PPP2R3B: variants seen among roughly 807,000 people sequenced by gnomAD.
PPP2R3B encodes the protein serine/threonine-protein phosphatase 2A regulatory subunit B'' subunit beta.
PPP2R3B carries 68 observed loss-of-function variants against 72.9 expected under a neutral mutation model. That is an observed-to-expected ratio of 0.93 (90% CI 0.77 to 1.14). PPP2R3B has a LOEUF of 1.14. Ranked by LOEUF, PPP2R3B falls within the 50% of genes most tolerant of loss-of-function variation. The probability of loss-of-function intolerance (pLI) is 0.00; values close to 1 mark genes in which losing one functional copy is unlikely to be tolerated. For synonymous variants in PPP2R3B, 466 were observed against 375.8 expected, an observed-to-expected ratio of 1.24 and a Z score of -2.78; for missense variants, 1,018 against 842.0, an observed-to-expected ratio of 1.21 and a Z score of -2.59.
chrX:345,487 G>A (rs371507794), intron 7 of PPP2R3B, 29 bp downstream of exon 7: 188 of 1,611,380 alleles, frequency 1.2e-4, no homozygotes, highest in Middle Eastern at 3.4e-4. Context: ...GTGTCCGCGC[G>A]GCCCGCCCGC....
chrX:376,198 GA>G (rs59781955), intron 1 of PPP2R3B, among the ~76,000 whole-genome samples: 4,163 of 115,572 alleles, frequency 0.036, 134 homozygotes, highest in African/African-American at 0.11. Context: ...TCTCAAAAAG[GA>G]AAAAAAAAAA....
chrX:341,723 G>A (rs2071082560), intron 8 of PPP2R3B, 160 bp downstream of exon 8: 1 of 817,018 alleles, frequency 1.2e-6, no homozygotes, highest in Admixed American at 2.0e-5. Flanking sequence ...CCCCCCACTA[G>A]GGATTCACGT....
chrX:344,655 G>A (rs1196856231), intron 7 of PPP2R3B, among the ~76,000 whole-genome samples: 1 of 152,258 alleles, frequency 6.6e-6, no homozygotes, highest in Non-Finnish European at 1.5e-5. Flanking sequence ...ACACGGGCCG[G>A]CGCTGTGGAG....
intron 2 of PPP2R3B, among the ~76,000 whole-genome samples, chrX:351,593 C>T (rs1195673402): frequency 7.0e-6 from 1 of 143,490 alleles, no homozygotes; most frequent in African/African-American, 2.6e-5. Flanking sequence ...GGCTGGAGTG[C>T]AGTGTGTGAT....
chrX:349,271 G>A (rs758339456), intron 2 of PPP2R3B, among the ~76,000 whole-genome samples: 14 of 152,154 alleles, frequency 9.2e-5, no homozygotes, highest in African/African-American at 3.4e-4. Context: ...GGAAGGCGCC[G>A]TCGATGAACC....
intron 1 of PPP2R3B, among the ~76,000 whole-genome samples, chrX:370,401 T>G (rs887498536): frequency 2.0e-5 from 3 of 152,112 alleles, no homozygotes; most frequent in Non-Finnish European, 2.9e-5. Context: ...CACTGGCGCC[T>G]GCAGCCACGG....
chrX:346,530 C>G, intron 5 of PPP2R3B, 171 bp downstream of exon 5: 1 of 687,546 alleles, frequency 1.5e-6, no homozygotes, highest in Non-Finnish European at 2.4e-6. Context: ...CAGAGTCCCC[C>G]CAACACCGGG....
At chrX:373,552 G>T (rs772153813) in intron 1 of PPP2R3B, 1 of 249,588 alleles carries the variant, frequency 4.0e-6, no homozygotes, top group South Asian at 3.6e-5. Context: ...GCCTTCAGCC[G>T]CTTCTTGAAC....
chrX:346,449 C>T lies in PPP2R3B; in HGVS notation c.793-189G>A, dbSNP rs2071216246. On this transcript the variant is annotated intron_variant, in intron 5 of 12. Transcript: ENST00000390665. ...CCAGGCCGCGGAAAGCGGGGAGGGTCTGGCCGGGGACGCCCCGGAGCTACA... is the reference window on the plus strand; with the variant it reads ...CCAGGCCGCGGAAAGCGGGGAGGGTTTGGCCGGGGACGCCCCGGAGCTACA... 1.1e-5 allele frequency: 7 copies of T among 649,186 alleles called. No homozygotes were observed. The East Asian group carries it at 1.8e-4, about 17-fold the overall frequency. The allele number at this position is 649,186 out of a possible 1,614,324, so 40.2% of individuals were successfully genotyped here. A position where few individuals can be genotyped will look rare whatever the true frequency, so the allele number is the denominator to read the frequency against.
Position 363,518 on chromosome X carries a change from G to C in PPP2R3B, c.325-1928C>G, listed in dbSNP as rs1312209352. Among the ~76,000 whole-genome samples the C allele has an allele frequency of 3.6e-3, 361 of 99,186 alleles. 5 individuals are homozygous for C. Among genetic ancestry groups the C allele is most frequent in the Non-Finnish European group, 5.0e-3 (240 of 48,048 alleles). The allele number at this position is 99,186 out of a possible 152,430, so 65.1% of individuals were successfully genotyped here. A position where few individuals can be genotyped will look rare whatever the true frequency, so the allele number is the denominator to read the frequency against. On this transcript the variant is annotated intron_variant, in intron 1 of 12. Transcript: ENST00000390665. Reference sequence around the variant, plus strand: ...CCACAATGCATCTCCCCGAGCCCGCGATCCCGCAGTGCATCTCCCCGAGCC... The same window carrying C: ...CCACAATGCATCTCCCCGAGCCCGCCATCCCGCAGTGCATCTCCCCGAGCC...
chrX:371,342 G>A (rs1455344022), intron 1 of PPP2R3B, among the ~76,000 whole-genome samples: 2 of 152,170 alleles, frequency 1.3e-5, no homozygotes, highest in Non-Finnish European at 2.9e-5. Flanking sequence ...CGGCGTGAAC[G>A]CATGCTGTTC....
At chrX:378,860 C>T (rs770111980) in intron 1 of PPP2R3B, among the ~76,000 whole-genome samples, 16 of 152,318 alleles carry the variant, frequency 1.1e-4, no homozygotes, top group African/African-American at 2.6e-4. Flanking sequence ...CAGACAGGCA[C>T]GCACCTGTAC....
intron 1 of PPP2R3B, among the ~76,000 whole-genome samples, chrX:364,828 A>C (rs1328255106): frequency 5.7e-5 from 3 of 52,354 alleles, no homozygotes; most frequent in Non-Finnish European, 3.2e-5. Context: ...GGTTGCAGTG[A>C]GCTGAGATCG....
rs762689365 is a variant in PPP2R3B, at chrX:351,926, C to T, written c.511-4233G>A. ...CCGAGGCTGGTCTGGAACCCTTGGC[C>T]GCAAGCCATCCTCCCGCCTTGGCCT... On this transcript the variant is annotated intron_variant, in intron 2 of 12. Coordinates refer to ENST00000390665, the MANE Select transcript of PPP2R3B (RefSeq NM_013239.5). Among the ~76,000 whole-genome samples, 8 of 152,200 alleles carry T rather than the reference C, an allele frequency of 5.3e-5. No individual in the cohort carries two copies. The South Asian group carries it at 1.0e-3, about 20-fold the overall frequency.
chrX:366,925 G>C (rs1300775610), intron 1 of PPP2R3B, among the ~76,000 whole-genome samples: 3 of 151,724 alleles, frequency 2.0e-5, no homozygotes, highest in Non-Finnish European at 4.4e-5. Context: ...CTACTTGAGA[G>C]GCTGAGGCAG....
Position 354,945 on chromosome X carries a change from G to A in PPP2R3B, c.510+6460C>T, listed in dbSNP as rs559606443. On this transcript the variant is annotated intron_variant, in intron 2 of 12. Transcript: ENST00000390665. ...ACGCCAGGCAGGGCCGCTGCGTCAC[G>A]GACGACTTGAGCCCGAGGCGGGAAG... 7.9e-5 allele frequency among the ~76,000 whole-genome samples: 12 copies of A among 152,382 alleles called. No individual in the cohort carries two copies. The South Asian group carries it at 1.0e-3, about 13-fold the overall frequency.
chrX:361,358 C>T lies in PPP2R3B; in HGVS notation c.510+47G>A, dbSNP rs773756994. 1.1e-5 allele frequency: 17 copies of T among 1,603,364 alleles called. No homozygotes were observed. The Admixed American group carries it at 1.3e-4, about 13-fold the overall frequency. On this transcript the variant is annotated intron_variant, in intron 2 of 12. Coordinates refer to ENST00000390665, the MANE Select transcript of PPP2R3B (RefSeq NM_013239.5). Reference sequence around the variant, plus strand: ...GGCCGCTCCGCCTCACCCTCACATGCCCGCAGTACCACCTCGGCTGCTCCA... The same window carrying T: ...GGCCGCTCCGCCTCACCCTCACATGTCCGCAGTACCACCTCGGCTGCTCCA...
intron 1 of PPP2R3B, among the ~76,000 whole-genome samples, chrX:372,062 G>A (rs1274212021): frequency 2.0e-5 from 3 of 152,132 alleles, no homozygotes; most frequent in African/African-American, 7.2e-5. Context: ...AGGGCTGAAG[G>A]GCTTCCTCAT....
At chrX:338,962 G>A in intron 10 of PPP2R3B, 66 bp from the exon 11 acceptor site, 2 of 1,327,978 alleles carry the variant, frequency 1.5e-6, no homozygotes, top group African/African-American at 1.4e-5. Context: ...TGGGTGTGGG[G>A]TGCGCGCGTC....
Sources: gnomAD v4.1 joint callset for allele counts (sites outside exome capture counted in the v4.1 genomes callset) on GRCh38, gnomAD v4.1.1 for gene constraint, MANE v1.5 for transcripts, NCBI Gene and HGNC (gene_info 2026-07-23, HGNC 2026-07-21) for gene names.